Variants in NEDD9 observed in about 807,000 individuals in gnomAD.
The protein encoded by NEDD9 is neural precursor cell expressed, developmentally down-regulated 9.
NEDD9 carries 26 observed loss-of-function variants against 76.6 expected under a neutral mutation model. That is an observed-to-expected ratio of 0.34 (90% CI 0.25 to 0.47). The LOEUF (loss-of-function observed/expected upper bound fraction) is 0.47. NEDD9 is among the 20% of genes least tolerant of loss of function. The pLI is 1.00. For missense variants in NEDD9, 937 were observed against 1,058.5 expected, an observed-to-expected ratio of 0.89 and a Z score of 1.59; for synonymous variants, 392 against 414.2, an observed-to-expected ratio of 0.95 and a Z score of 0.65.
In NEDD9 at chr6:11,232,327, C is replaced by G. The variant is rs549217632; in HGVS notation, c.12+177G>C. On this transcript the variant is annotated intron_variant, in intron 1 of 6. Coordinates refer to ENST00000379446, the MANE Select transcript of NEDD9 (RefSeq NM_006403.4). Reference sequence around the variant, plus strand: ...TACTGTGAACCCCTGGAGTGGGTCTCAAAGACCGGGTCTCTGCTTGCTTGT... The same window carrying G: ...TACTGTGAACCCCTGGAGTGGGTCTGAAAGACCGGGTCTCTGCTTGCTTGT... 1.2e-3 allele frequency among the ~76,000 whole-genome samples: 175 copies of G among 151,528 alleles called. 2 individuals carry two copies. Among genetic ancestry groups the G allele is most frequent in the Non-Finnish European group, 2.1e-3 (144 of 67,888 alleles).
At chr6:11,220,204 A>G (rs1759097904) in intron 1 of NEDD9, among the ~76,000 whole-genome samples, 1 of 152,072 alleles carries the variant, frequency 6.6e-6, no homozygotes, top group African/African-American at 2.4e-5. Flanking sequence ...CATTTCCCAC[A>G]AGGCCTCCTG....
Position 11,321,940 on chromosome 6 carries a change from C to T in NEDD9, c.-153+12561G>A, listed in dbSNP as rs185523830. Among the ~76,000 whole-genome samples, 48 of 152,130 alleles carry T rather than the reference C, an allele frequency of 3.2e-4. No individual in the cohort carries two copies. In the East Asian group the frequency reaches 3.5e-3, roughly 11 times the overall value. On this transcript the variant is annotated intron_variant, in intron 2 of 3. Transcript: ENST00000397378. ...TGCTTTGTGAATTGATGCCCATCAA[C>T]GAGAGACTGGATAAAGAAAATGTGG...
upstream of NEDD9, among the ~76,000 whole-genome samples, chr6:11,234,746 A>T (rs1303090098): frequency 1.5e-5 from 2 of 137,762 alleles, no homozygotes. Flanking sequence ...ACAAAGTTTC[A>T]TTCTTGTTGC....
rs776890250 is a variant in NEDD9, at chr6:11,190,602, C to T, written c.1267G>A (p.Gly423Ser). The T allele has an allele frequency of 6.2e-7, 1 of 1,614,142 alleles. No homozygotes were observed. Among genetic ancestry groups the T allele is most frequent in the African/African-American group, 1.3e-5 (1 of 75,036 alleles). The change falls in exon 5 of 7, where the codon GGT becomes AGT. Residue 423 changes from glycine to serine, a missense_variant. Gly to Ser is a moderately conservative substitution (Grantham distance 56). Coordinates refer to ENST00000379446, the MANE Select transcript of NEDD9 (RefSeq NM_006403.4). This position sits in a 1 kb window ranked among gnomAD's most constrained non-coding sequence, Gnocchi z 5.8. Reference sequence around the variant, plus strand: ...ACCAGTGCCATTAGGCTGGAGACACCCATCTCAAGGGCCTGCTGGAGCCGC... The same window carrying T: ...ACCAGTGCCATTAGGCTGGAGACACTCATCTCAAGGGCCTGCTGGAGCCGC... ...LQRLQQALEM[G>S]VSSLMALVTT... is the part of the protein sequence containing the mutation.
At chr6:11,352,393 G>T (rs182410158) in intron 1 of NEDD9, 3 of 152,138 alleles carry the variant, frequency 2.0e-5, no homozygotes, top group African/African-American at 7.2e-5. Flanking sequence ...ACAGCCGCTC[G>T]GTGGCCGGCC....
Position 11,264,869 on chromosome 6 carries a change from G to GTTTGTTTC in NEDD9, c.12+41122_12+41123insGAAACAAA, listed in dbSNP as rs1554128895. On this transcript the variant is annotated intron_variant, in intron 3 of 3. Transcript: ENST00000397378. ...TTTAAGTTTTTCTGTTTGTTTGTTT[G>GTTTGTTTC]TTTCTTTTTTAAGAGATGGGGGTCT... Among the ~76,000 whole-genome samples the GTTTGTTTC allele has an allele frequency of 3.4e-3, 523 of 152,082 alleles. 2 individuals are homozygous for GTTTGTTTC. Among genetic ancestry groups the GTTTGTTTC allele is most frequent in the African/African-American group, 0.012 (496 of 41,480 alleles).
chr6:11,188,421 C>T (rs1412248604), intron 5 of NEDD9, 114 bp from the exon 6 acceptor site: 1 of 921,270 alleles, frequency 1.1e-6, no homozygotes, highest in East Asian at 2.5e-5. Flanking sequence ...TTGGCAACAT[C>T]TCAAATGCCC....
intron 2 of NEDD9, among the ~76,000 whole-genome samples, chr6:11,329,689 A>G (rs576523631): frequency 2.0e-5 from 3 of 152,066 alleles, no homozygotes; most frequent in South Asian, 2.1e-4. Flanking sequence ...GCTCCAGCCA[A>G]CTTCAGTGTA....
intron 2 of NEDD9, among the ~76,000 whole-genome samples, chr6:11,208,127 G>A (rs1045287858): frequency 6.7e-6 from 1 of 150,198 alleles, no homozygotes; most frequent in Non-Finnish European, 1.5e-5. Context: ...GCAGTGAGCC[G>A]AGATGGCACC....
chr6:11,246,938 A>G (rs902245963), intron 3 of NEDD9, among the ~76,000 whole-genome samples: 18 of 152,068 alleles, frequency 1.2e-4, no homozygotes, highest in Non-Finnish European at 2.4e-4. Context: ...AGGGCTTCAG[A>G]CGACTGCCCT....
In NEDD9 at chr6:11,193,624, G is replaced by A; in HGVS notation, c.528C>T (p.Val176=). 6.2e-7 allele frequency: 1 copy of A among 1,613,872 alleles called. No individual in the cohort carries two copies. Among genetic ancestry groups the A allele is most frequent in the Non-Finnish European group, 8.5e-7 (1 of 1,179,788 alleles). ...YEYPSRYQKD[V]YDIPPSHTTQ... ...TGGTATGAGAAGGAGGGATATCATA[G>A]ACGTCCTTTTGGTATCTGGATGGGT... Residue 176 remains valine, a synonymous_variant, in exon 3 of 7, where the codon GTC becomes GTT. Coordinates refer to ENST00000379446, the MANE Select transcript of NEDD9 (RefSeq NM_006403.4).
chr6:11,317,618 G>A (rs1761613410), intron 2 of NEDD9, among the ~76,000 whole-genome samples: 1 of 152,132 alleles, frequency 6.6e-6, no homozygotes, highest in Non-Finnish European at 1.5e-5. Context: ...GATGGGGACA[G>A]GCGCCAACTG....
intron 3 of NEDD9, among the ~76,000 whole-genome samples, chr6:11,270,260 T>C (rs1760275375): frequency 6.6e-6 from 1 of 152,254 alleles, no homozygotes; most frequent in Non-Finnish European, 1.5e-5. Context: ...ACAGTGTTCA[T>C]TACCTTAGAT....
At chr6:11,230,423 T>C (rs1456765343) in intron 1 of NEDD9, among the ~76,000 whole-genome samples, 2 of 152,204 alleles carry the variant, frequency 1.3e-5, no homozygotes, top group East Asian at 3.8e-4. Flanking sequence ...AAATTGAGTA[T>C]AAAAATAATA....
intron 2 of NEDD9, among the ~76,000 whole-genome samples, chr6:11,308,938 T>C (rs541027410): frequency 6.6e-6 from 1 of 152,346 alleles, no homozygotes; most frequent in South Asian, 2.1e-4. Context: ...ATTGCAGATT[T>C]TTATTTGTAT....
At chr6:11,318,585 CAG>C in intron 2 of NEDD9, among the ~76,000 whole-genome samples, 1 of 152,236 alleles carries the variant, frequency 6.6e-6, no homozygotes, top group East Asian at 1.9e-4. Context: ...TCTTGTTACT[CAG>C]GGGCTGTTGC....
At chr6:11,266,846 G>C (rs1383152706) in intron 3 of NEDD9, among the ~76,000 whole-genome samples, 1 of 152,200 alleles carries the variant, frequency 6.6e-6, no homozygotes, top group East Asian at 1.9e-4. Flanking sequence ...CAATGGTCCG[G>C]ATCAATTGCA....
chr6:11,365,079 G>A (rs1472413639), intron 1 of NEDD9, among the ~76,000 whole-genome samples: 1 of 152,084 alleles, frequency 6.6e-6, no homozygotes, highest in African/African-American at 2.4e-5. Flanking sequence ...TCATGATGGC[G>A]ACTATGTTTT....
At chr6:11,371,102 T>C (rs763405344) in intron 1 of NEDD9, among the ~76,000 whole-genome samples, 2 of 152,118 alleles carry the variant, frequency 1.3e-5, no homozygotes, top group Non-Finnish European at 2.9e-5. Flanking sequence ...CTTAGCTCCT[T>C]TTAAAAAAAG....
Sources: gnomAD v4.1 joint callset for allele counts (sites outside exome capture counted in the v4.1 genomes callset) on GRCh38, gnomAD v4.1.1 for gene constraint, Gnocchi (gnomAD v3.1) non-coding constraint, MANE v1.5 for transcripts, NCBI Gene and HGNC (gene_info 2026-07-23, HGNC 2026-07-21) for gene names.